The following PTPRT variants were observed in gnomAD, a reference collection of about 807,000 sequenced individuals.
The protein encoded by PTPRT is protein tyrosine phosphatase receptor type T, also known as receptor-type tyrosine-protein phosphatase T.
A neutral mutation model predicts 176.8 loss-of-function variants in PTPRT; 56 were observed. That is an observed-to-expected ratio of 0.32 (90% CI 0.26 to 0.40). The LOEUF is 0.40. Among genes scored for constraint, PTPRT ranks in the 10% least tolerant of loss-of-function variants. The pLI, the probability that PTPRT is intolerant of heterozygous loss-of-function variation, is 1.00. For synonymous variants in PTPRT, 783 were observed against 739.0 expected (o/e 1.06, Z -0.96); for missense variants, 1,540 against 1,908.2 (o/e 0.81, Z 3.60).
intron 7 of PTPRT, among the ~76,000 whole-genome samples, chr20:42,570,239 G>A (rs6130165): frequency 3.9e-5 from 6 of 152,136 alleles, no homozygotes; most frequent in Non-Finnish European, 8.8e-5. Context: ...TACTGAGTCA[G>A]GATGTCACAC....
chr20:43,050,447 G>A (rs1986998979), intron 1 of PTPRT, among the ~76,000 whole-genome samples: 1 of 152,190 alleles, frequency 6.6e-6, no homozygotes, highest in Non-Finnish European at 1.5e-5. Context: ...CACCCAGGCA[G>A]GGCGTTCACA....
intron 1 of PTPRT, among the ~76,000 whole-genome samples, chr20:42,998,891 C>T (rs938675272): frequency 3.3e-5 from 5 of 152,206 alleles, no homozygotes; most frequent in African/African-American, 1.2e-4. Flanking sequence ...CCCTCCTCTG[C>T]ACCCCACTGA....
chr20:42,448,294 C>T lies in PTPRT; in HGVS notation c.1486G>A (p.Gly496Arg), dbSNP rs759824186. ...ATGTAGATCTTCTCCTCAAAGGGCC[C>T]CCCTTGGATGGATTCTAGAGGAACA... The part of the protein sequence containing the change: ...GAVPLESIQG[G>R]PFEEKIYIQW... The change falls in exon 9 of 31, where the codon GGG (glycine) becomes AGG (arginine). Residue 496 changes from glycine (G) to arginine (R), a missense_variant. Coordinates refer to ENST00000373187, the MANE Select transcript of PTPRT (RefSeq NM_007050.6). The T allele has an allele frequency of 6.2e-7, 1 of 1,613,438 alleles. No individual in the cohort carries two copies. The highest frequency in any genetic ancestry group is 1.1e-5 in the South Asian group (1 of 91,056).
At chr20:43,039,352 A>G (rs936460202) in intron 1 of PTPRT, among the ~76,000 whole-genome samples, 4 of 118,312 alleles carry the variant, frequency 3.4e-5, no homozygotes, top group African/African-American at 2.1e-4. Context: ...TTGAAATAAA[A>G]TGATAAAAAA....
At chr20:43,062,792 A>G (rs1987526575) in intron 1 of PTPRT, among the ~76,000 whole-genome samples, 1 of 152,182 alleles carries the variant, frequency 6.6e-6, no homozygotes, top group Non-Finnish European at 1.5e-5. Flanking sequence ...GGAGTTTTCT[A>G]CTATATTGTT....
chr20:42,072,158 T>G (rs1982372500), downstream of PTPRT, among the ~76,000 whole-genome samples: 2 of 152,200 alleles, frequency 1.3e-5, no homozygotes, highest in African/African-American at 4.8e-5. Flanking sequence ...GAGGAGCATA[T>G]GCACAGGCTA....
chr20:43,000,491 C>T (rs1252945901), intron 1 of PTPRT, among the ~76,000 whole-genome samples: 1 of 150,886 alleles, frequency 6.6e-6, no homozygotes, highest in Non-Finnish European at 1.5e-5. Context: ...TGAAAAAAAC[C>T]ACAGAAACAA....
intron 7 of PTPRT, among the ~76,000 whole-genome samples, chr20:42,560,313 T>C (rs1320544136): frequency 1.3e-5 from 2 of 152,218 alleles, no homozygotes; most frequent in African/African-American, 4.8e-5. Context: ...ATTCTCTCCC[T>C]GCTTTTCCAT....
At chr20:42,368,934 C>G (rs1298161524) in intron 9 of PTPRT, among the ~76,000 whole-genome samples, 5 of 152,256 alleles carry the variant, frequency 3.3e-5, no homozygotes, top group African/African-American at 1.2e-4. Flanking sequence ...GCTGCCTAGC[C>G]TGTGTGTGAG....
intron 16 of PTPRT, 50 bp from the exon 17 acceptor site, chr20:42,161,592 C>T: frequency 1.3e-6 from 2 of 1,531,838 alleles, no homozygotes; most frequent in Non-Finnish European, 1.8e-6. Flanking sequence ...AAGCTTTGCC[C>T]TTTGTCCTCC....
chr20:42,472,381 G>C lies in PTPRT; in HGVS notation c.1335C>G (p.Ser445=). Reference sequence around the variant, plus strand: ...GGCGCAGGCCTCGCAGGGTGTAGTGGGAGGAGGTCTGGATGACCTCCTCGG... The same window carrying C: ...GGCGCAGGCCTCGCAGGGTGTAGTGCGAGGAGGTCTGGATGACCTCCTCGG... ...YEAEEVIQTS[S]HYTLRGLRPF... is the part of the protein sequence containing the mutation. The change falls in exon 8 of 31, where the codon TCC becomes TCG. Residue 445 remains serine (S), a synonymous_variant. Transcript: ENST00000373187. 1 of 1,614,138 alleles carries C rather than the reference G, an allele frequency of 6.2e-7. No homozygotes were observed. Among genetic ancestry groups the C allele is most frequent in the Middle Eastern group, 1.6e-4 (1 of 6,062 alleles).
chr20:42,975,775 G>A (rs1982909724), intron 1 of PTPRT, among the ~76,000 whole-genome samples: 1 of 152,212 alleles, frequency 6.6e-6, no homozygotes, highest in Non-Finnish European at 1.5e-5. Context: ...AAGGCAATCA[G>A]CAAAGAAGGC....
chr20:43,121,302 T>C (rs1177537059), intron 1 of PTPRT, among the ~76,000 whole-genome samples: 1 of 152,256 alleles, frequency 6.6e-6, no homozygotes. Context: ...CAAATGCTGC[T>C]GAGAACATTT....
chr20:42,431,599 T>C (rs1328921574), intron 9 of PTPRT, among the ~76,000 whole-genome samples: 1 of 152,138 alleles, frequency 6.6e-6, no homozygotes, highest in Non-Finnish European at 1.5e-5. Context: ...GTAGAAGAGA[T>C]TATAGGTGAT....
chr20:42,671,687 T>C (rs937555476), intron 7 of PTPRT, among the ~76,000 whole-genome samples: 2 of 152,242 alleles, frequency 1.3e-5, no homozygotes, highest in Admixed American at 1.3e-4. Flanking sequence ...TTTGGTTCAC[T>C]ATAGGCAGCT....
chr20:42,560,255 G>C (rs2072930214), intron 7 of PTPRT, among the ~76,000 whole-genome samples: 1 of 152,200 alleles, frequency 6.6e-6, no homozygotes, highest in South Asian at 2.1e-4. Flanking sequence ...CCAATAGGAG[G>C]TACAGGCATG....
chr20:43,187,423 C>T (rs1210736924), intron 1 of PTPRT, among the ~76,000 whole-genome samples: 2 of 151,608 alleles, frequency 1.3e-5, no homozygotes, highest in Admixed American at 6.6e-5. Flanking sequence ...TTTAAGTCAA[C>T]ATTTACAGTA....
intron 7 of PTPRT, among the ~76,000 whole-genome samples, chr20:42,551,100 C>T (rs1454657303): frequency 6.6e-6 from 1 of 152,084 alleles, no homozygotes; most frequent in Non-Finnish European, 1.5e-5. Flanking sequence ...GGTAATCAAA[C>T]ACATAAAACA....
intron 1 of PTPRT, among the ~76,000 whole-genome samples, chr20:43,174,077 C>G (rs1271336702): frequency 6.6e-6 from 1 of 152,182 alleles, no homozygotes; most frequent in African/African-American, 2.4e-5. Flanking sequence ...ATTGAAAATT[C>G]TGAACAAAGG....
Sources: gnomAD v4.1 joint callset for allele counts (sites outside exome capture counted in the v4.1 genomes callset) on GRCh38, gnomAD v4.1.1 for gene constraint, MANE v1.5 for transcripts, NCBI Gene and HGNC (gene_info 2026-07-23, HGNC 2026-07-21) for gene names.